MYCBP2: variants seen among roughly 807,000 people sequenced by gnomAD.
The protein encoded by MYCBP2 is MYC binding protein 2, also known as E3 ubiquitin-protein ligase MYCBP2.
A neutral mutation model predicts 525.3 loss-of-function variants in MYCBP2; 120 were observed. The observed-to-expected ratio is 0.23, with a 90% CI of 0.20 to 0.27. The LOEUF is 0.27. Ranked by LOEUF, MYCBP2 falls within the 10% of genes least tolerant of loss-of-function variation. The pLI is 1.00. For synonymous variants in MYCBP2, 1,894 were observed against 1,955.8 expected (o/e 0.97, Z 0.83); for missense variants, 4,149 against 5,657.1 (o/e 0.73, Z 8.55).
chr13:77,186,515 C>T lies in MYCBP2; in HGVS notation c.4252-452G>A, dbSNP rs555184193. On this transcript the variant is annotated intron_variant, in intron 30 of 82. Coordinates refer to ENST00000544440, the MANE Select transcript of MYCBP2 (RefSeq NM_015057.5). The stretch of plus-strand genomic sequence containing the variant: ...AGATATCAGTAACAGTATCAAATAA[C>T]TTATTTTATGTCTATATATTAAAAT... Among the ~76,000 whole-genome samples the T allele has an allele frequency of 4.6e-5, 7 of 152,078 alleles. No homozygotes were observed. The South Asian group carries it at 1.5e-3, about 32-fold the overall frequency.
intron 43 of MYCBP2, 127 bp from the exon 44 acceptor site, chr13:77,162,082 G>T (rs1432255643): frequency 2.1e-5 from 14 of 667,752 alleles, no homozygotes; most frequent in Non-Finnish European, 3.5e-5. Flanking sequence ...GAAAAGATTT[G>T]TGATTCTGGA....
At chr13:77,139,162 T>C in intron 52 of MYCBP2, 34 bp downstream of exon 52, 1 of 1,596,348 alleles carries the variant, frequency 6.3e-7, no homozygotes, top group South Asian at 1.1e-5. Flanking sequence ...ACAGCGTGTA[T>C]CTATAATGCT....
At position 77,194,216 on chromosome 13, in the gene MYCBP2, T is replaced by C; in HGVS notation, c.3872A>G (p.Asp1291Gly). The C allele has an allele frequency of 6.2e-7, 1 of 1,613,414 alleles. No homozygotes were observed. The highest frequency in any genetic ancestry group is 1.1e-5 in the South Asian group (1 of 91,042). Reference protein sequence around the residue: ...KLFELGPDGGDHETDGDLLAE... With the variant: ...KLFELGPDGGGHETDGDLLAE... ...AAGAAGGTCACCATCAGTTTCATGATCTCCTCCATCAGGACCCAATTCAAA... is the reference window on the plus strand; with the variant it reads ...AAGAAGGTCACCATCAGTTTCATGACCTCCTCCATCAGGACCCAATTCAAA... The change falls in exon 27 of 83, where the codon GAT becomes GGT. Residue 1291 changes from aspartate to glycine, a missense_variant. Asp to Gly is a moderately conservative substitution (Grantham distance 94). Transcript: ENST00000544440.
intron 55 of MYCBP2, among the ~76,000 whole-genome samples, chr13:77,119,357 A>G (rs538207811): frequency 2.6e-5 from 4 of 152,190 alleles, no homozygotes; most frequent in Non-Finnish European, 5.9e-5. Context: ...CTTTCTAGTC[A>G]TATTTCTGAA....
rs1488157561 is a variant in MYCBP2 at position 77,205,392 on chromosome 13, T to C, written c.3716-9A>G. 1 of 1,612,428 alleles carries C rather than the reference T, an allele frequency of 6.2e-7. No individual in the cohort carries two copies. The highest frequency in any genetic ancestry group is 1.1e-5 in the South Asian group (1 of 90,718). ...CCAGCCTCCTCCATGACCTAGAATA[T>C]ATAAATCATAATCTATGTTTTAAAA... On this transcript the variant is annotated splice_polypyrimidine_tract_variant and intron_variant, in intron 25 of 82. Coordinates refer to ENST00000544440, the MANE Select transcript of MYCBP2 (RefSeq NM_015057.5).
intron 76 of MYCBP2, among the ~76,000 whole-genome samples, chr13:77,059,891 T>C (rs2038954025): frequency 2.0e-5 from 3 of 152,148 alleles, no homozygotes. Context: ...ACTAGACTTC[T>C]AGTCAAGTTA....
At chr13:77,244,289 A>C (rs2069471351) in intron 15 of MYCBP2, among the ~76,000 whole-genome samples, 1 of 152,164 alleles carries the variant, frequency 6.6e-6, no homozygotes, top group Admixed American at 6.5e-5. Context: ...GGATTAAGTG[A>C]CCCAGATGGG....
At chr13:77,050,067 T>C (rs975635535) in intron 82 of MYCBP2, among the ~76,000 whole-genome samples, 1 of 152,126 alleles carries the variant, frequency 6.6e-6, no homozygotes, top group African/African-American at 2.4e-5. Flanking sequence ...GACACTAGCA[T>C]TGTTTATACA....
chr13:77,282,424 A>G (rs1048396456), intron 3 of MYCBP2, among the ~76,000 whole-genome samples: 4 of 151,986 alleles, frequency 2.6e-5, no homozygotes, highest in Non-Finnish European at 4.4e-5. Context: ...AAAAAAAAAA[A>G]AAAGAAAGAA....
rs2046473510 is a variant in MYCBP2, at chr13:77,097,783, A to T, written c.9371T>A (p.Leu3124His). 6.2e-7 allele frequency: 1 copy of T among 1,613,654 alleles called. No individual in the cohort carries two copies. The highest frequency in any genetic ancestry group is 8.5e-7 in the Non-Finnish European group (1 of 1,179,830). Residue 3124 changes from leucine (L) to histidine (H), a missense_variant, in exon 56 of 83, where the codon CTT becomes CAT. By Grantham distance (99) the Leu-to-His change is moderately conservative. This residue lies in a region of MYCBP2 where 653 missense variants were observed against 744.7 expected (regional missense o/e 0.88). Transcript: ENST00000544440. ...TTTTTCATGCAGAGGTGGTTCCTTA[A>T]GCATAGACAATACCTTGTTTTTGTT... ...SINKNKVLSM[L>H]KEPPLHEKCE...
In MYCBP2 at chr13:77,167,278, G is replaced by A. The variant is rs1392277237; in HGVS notation, c.6115-724C>T. On this transcript the variant is annotated intron_variant, in intron 40 of 82. Coordinates refer to ENST00000544440, the MANE Select transcript of MYCBP2 (RefSeq NM_015057.5). ...TGTGTGTATGTATAACAGAAATCAGGACACTTTGAAAAAATGGTTAGTTCC... is the reference window on the plus strand; with the variant it reads ...TGTGTGTATGTATAACAGAAATCAGAACACTTTGAAAAAATGGTTAGTTCC... Among the ~76,000 whole-genome samples the A allele has an allele frequency of 2.6e-5, 4 of 151,812 alleles. No individual in the cohort carries two copies. The East Asian group carries it at 5.8e-4, about 22-fold the overall frequency.
intron 14 of MYCBP2, 36 bp from the exon 15 acceptor site, chr13:77,251,391 T>C: frequency 6.4e-7 from 1 of 1,558,734 alleles, no homozygotes; most frequent in African/African-American, 1.4e-5. Context: ...TTTATACAGG[T>C]TACTTTCATG....
intron 49 of MYCBP2, among the ~76,000 whole-genome samples, chr13:77,141,871 T>A (rs1023606575): frequency 6.6e-6 from 1 of 152,128 alleles, no homozygotes; most frequent in African/African-American, 2.4e-5. Flanking sequence ...AGTGAATTAT[T>A]ATCTCTGCTT....
chr13:77,206,871 T>C (rs1348904492), intron 23 of MYCBP2, 46 bp from the exon 24 acceptor site: 1 of 1,463,324 alleles, frequency 6.8e-7, no homozygotes, highest in East Asian at 2.4e-5. Flanking sequence ...TGGTTTTGTT[T>C]TTAAAAAAAA....
At chr13:77,188,280 T>TA (rs1390111249) in intron 30 of MYCBP2, among the ~76,000 whole-genome samples, 1 of 152,154 alleles carries the variant, frequency 6.6e-6, no homozygotes, top group Non-Finnish European at 1.5e-5. Context: ...ATTTTACTAA[T>TA]ATGAAAGACT....
chr13:77,262,751 T>C (rs1289068626), intron 10 of MYCBP2, among the ~76,000 whole-genome samples: 1 of 152,026 alleles, frequency 6.6e-6, no homozygotes. Flanking sequence ...TGTAAAACTA[T>C]GAGTAATTGT....
At chr13:77,094,608 G>T (rs538329668) in intron 58 of MYCBP2, among the ~76,000 whole-genome samples, 1 of 152,104 alleles carries the variant, frequency 6.6e-6, no homozygotes, top group Admixed American at 6.6e-5. Context: ...TTAACAACCC[G>T]TGATTCCTGA....
intron 55 of MYCBP2, among the ~76,000 whole-genome samples, chr13:77,110,785 T>TG (rs35045084): frequency 2.0e-5 from 3 of 152,116 alleles, no homozygotes; most frequent in Non-Finnish European, 4.4e-5. Context: ...GTTGAAATAT[T>TG]GGGGGCGGGT....
At position 77,203,919 on chromosome 13, in the gene MYCBP2, G is replaced by A. The variant is rs1040456114; in HGVS notation, c.3843+1337C>T. ...TTCAAGATGGATTAAAGACTTAAAC[G>A]TTAGACCTAAAACCATAAAAACCCT... On this transcript the variant is annotated intron_variant, in intron 26 of 82. Coordinates refer to ENST00000544440, the MANE Select transcript of MYCBP2 (RefSeq NM_015057.5). 1.8e-4 allele frequency among the ~76,000 whole-genome samples: 28 copies of A among 151,942 alleles called. No individual in the cohort carries two copies. The East Asian group carries it at 4.1e-3, about 22-fold the overall frequency.
Sources: gnomAD v4.1 joint callset for allele counts (sites outside exome capture counted in the v4.1 genomes callset) on GRCh38, gnomAD v4.1.1 for gene constraint, gnomAD v4.1.1 regional missense constraint, MANE v1.5 for transcripts, NCBI Gene and HGNC (gene_info 2026-07-23, HGNC 2026-07-21) for gene names.